The following PRKG1 variants were observed in gnomAD, a reference collection of about 807,000 sequenced individuals.
PRKG1 encodes the protein protein kinase cGMP-dependent 1.
In PRKG1, 35 loss-of-function variants were observed where a neutral mutation model predicts 88.1. The observed-to-expected ratio is 0.40, with a 90% CI of 0.30 to 0.53. PRKG1 has a LOEUF of 0.53. PRKG1 is among the 20% of genes least tolerant of loss of function. The pLI is 0.59. For missense variants in PRKG1, 540 were observed against 839.8 expected (o/e 0.64, Z 4.41); for synonymous variants, 303 against 292.5 (o/e 1.04, Z -0.37).
chr10:51,818,042 A>G (rs1839638128), intron 4 of PRKG1, among the ~76,000 whole-genome samples: 1 of 152,186 alleles, frequency 6.6e-6, no homozygotes, highest in African/African-American at 2.4e-5. Context: ...CTATCTCAAC[A>G]GATGGAAGAC....
intron 2 of PRKG1, among the ~76,000 whole-genome samples, chr10:51,415,628 A>G (rs147456299): frequency 2.8e-4 from 42 of 152,316 alleles, no homozygotes; most frequent in African/African-American, 9.6e-4. Context: ...AATTTATCTA[A>G]TAGCCAGTTC....
intron 3 of PRKG1, among the ~76,000 whole-genome samples, chr10:51,643,353 C>A (rs957965246): frequency 6.6e-6 from 1 of 152,158 alleles, no homozygotes; most frequent in Non-Finnish European, 1.5e-5. Context: ...ACTCAGACAT[C>A]CTAAAACCTG....
Position 52,083,680 on chromosome 10 carries a change from T to A in PRKG1, c.935+21049T>A, listed in dbSNP as rs189794214. Among the ~76,000 whole-genome samples, 523 of 152,176 alleles carry A rather than the reference T, an allele frequency of 3.4e-3. 2 individuals are homozygous for A. Among genetic ancestry groups the A allele is most frequent in the Non-Finnish European group, 5.7e-3 (390 of 67,936 alleles). On this transcript the variant is annotated intron_variant, in intron 7 of 17. Coordinates refer to ENST00000373980, the MANE Select transcript of PRKG1 (RefSeq NM_006258.4). The stretch of plus-strand genomic sequence containing the variant: ...AAGGGAGAGATTTATGAGAGGCAAG[T>A]ATAAAGCAAAATCTATTTTTTCAGT...
chr10:51,901,464 C>G (rs930786766), intron 4 of PRKG1, among the ~76,000 whole-genome samples: 3 of 152,172 alleles, frequency 2.0e-5, no homozygotes, highest in Middle Eastern at 3.2e-3. Flanking sequence ...AGATGCAGTG[C>G]AATAATTTCT....
At chr10:51,296,455 G>A (rs1840722635) in intron 2 of PRKG1, among the ~76,000 whole-genome samples, 4 of 151,970 alleles carry the variant, frequency 2.6e-5, no homozygotes, top group Admixed American at 2.6e-4. Context: ...AGGTTATCCA[G>A]TTTGTCAGCA....
At chr10:51,224,399 A>C (rs776690229) in intron 2 of PRKG1, among the ~76,000 whole-genome samples, 1 of 152,208 alleles carries the variant, frequency 6.6e-6, no homozygotes, top group Admixed American at 6.5e-5. Flanking sequence ...TATTCTCTTT[A>C]ATAAGAAGTT....
At chr10:51,890,223 A>G (rs1485598063) in intron 4 of PRKG1, among the ~76,000 whole-genome samples, 3 of 152,186 alleles carry the variant, frequency 2.0e-5, no homozygotes, top group African/African-American at 7.2e-5. Context: ...TCCATCTTGA[A>G]TTAATTTTTG....
At chr10:51,906,213 C>G (rs892689203) in intron 4 of PRKG1, among the ~76,000 whole-genome samples, 5 of 152,136 alleles carry the variant, frequency 3.3e-5, no homozygotes, top group African/African-American at 1.2e-4. Context: ...TTGAAGGAAC[C>G]TGGTGACAGC....
intron 3 of PRKG1, among the ~76,000 whole-genome samples, chr10:51,609,789 A>G (rs951168231): frequency 6.6e-6 from 1 of 152,182 alleles, no homozygotes; most frequent in Non-Finnish European, 1.5e-5. Flanking sequence ...CCTAACAATG[A>G]GAACACATGG....
chr10:51,374,124 T>A (rs1842767789), intron 2 of PRKG1, among the ~76,000 whole-genome samples: 1 of 116,808 alleles, frequency 8.6e-6, no homozygotes, highest in African/African-American at 2.9e-5. Context: ...GTACTTTAAG[T>A]TCTGGGATAC....
At chr10:52,071,360 A>G (rs369223722) in intron 7 of PRKG1, among the ~76,000 whole-genome samples, 3 of 152,156 alleles carry the variant, frequency 2.0e-5, no homozygotes, top group Admixed American at 1.3e-4. Context: ...CATGAACTCA[A>G]TGTTCAGCTC....
chr10:52,210,366 C>T (rs1839936461), intron 9 of PRKG1, among the ~76,000 whole-genome samples: 1 of 151,746 alleles, frequency 6.6e-6, no homozygotes, highest in South Asian at 2.1e-4. Context: ...CACAGCTGCA[C>T]CCTCCTATTC....
chr10:51,361,427 C>A (rs1842478479), intron 2 of PRKG1, among the ~76,000 whole-genome samples: 3 of 151,904 alleles, frequency 2.0e-5, no homozygotes, highest in Admixed American at 2.0e-4. Context: ...AAAACCCTAT[C>A]CAACTTAAAT....
Position 51,522,944 on chromosome 10 carries a change from T to C in PRKG1, c.592+55108T>C, listed in dbSNP as rs954569280. On this transcript the variant is annotated intron_variant, in intron 3 of 17. Transcript: ENST00000373980. Reference sequence around the variant, plus strand: ...GGGAGACAACAAATTACTTGGGTCCTTACAGTCTTATTTAAGTGATCCTAT... The same window carrying C: ...GGGAGACAACAAATTACTTGGGTCCCTACAGTCTTATTTAAGTGATCCTAT... Among the ~76,000 whole-genome samples, 12 of 152,222 alleles carry C rather than the reference T, an allele frequency of 7.9e-5. No homozygotes were observed. The South Asian group carries it at 2.5e-3, about 32-fold the overall frequency.
At chr10:51,537,584 C>G (rs1842188466) in intron 3 of PRKG1, among the ~76,000 whole-genome samples, 1 of 152,026 alleles carries the variant, frequency 6.6e-6, no homozygotes, top group Non-Finnish European at 1.5e-5. Flanking sequence ...CAAAAATTAG[C>G]TAGGCGTGGT....
At chr10:51,735,609 A>T (rs920991991) in intron 3 of PRKG1, among the ~76,000 whole-genome samples, 11 of 152,180 alleles carry the variant, frequency 7.2e-5, no homozygotes, top group Admixed American at 4.6e-4. Context: ...TACCAAATCC[A>T]CTCAAGTCCC....
At chr10:52,224,596 C>G (rs1386312410) in intron 9 of PRKG1, among the ~76,000 whole-genome samples, 1 of 34,110 alleles carries the variant, frequency 2.9e-5, no homozygotes, top group Non-Finnish European at 7.3e-5. Context: ...CTTCGCCCCA[C>G]CTCCGACTCT....
intron 5 of PRKG1, among the ~76,000 whole-genome samples, chr10:51,966,185 T>C (rs1452869041): frequency 1.3e-5 from 2 of 152,204 alleles, no homozygotes; most frequent in East Asian, 1.9e-4. Flanking sequence ...TCATATTTCA[T>C]AAGCTGATTA....
In PRKG1 at chr10:52,205,676, G is replaced by T. The variant is rs376229031; in HGVS notation, c.1076+43713G>T. 7.2e-5 allele frequency among the ~76,000 whole-genome samples: 11 copies of T among 152,262 alleles called. No homozygotes were observed. The East Asian group carries it at 1.2e-3, about 16-fold the overall frequency. On this transcript the variant is annotated intron_variant, in intron 9 of 17. Transcript: ENST00000373980. ...ATTTCTCCTTCTTTTATGAAGGTTTGTTTGGCTAGATATGAAAAATCTTTG... is the reference window on the plus strand; with the variant it reads ...ATTTCTCCTTCTTTTATGAAGGTTTTTTTGGCTAGATATGAAAAATCTTTG...
Sources: gnomAD v4.1 joint callset for allele counts (sites outside exome capture counted in the v4.1 genomes callset) on GRCh38, gnomAD v4.1.1 for gene constraint, MANE v1.5 for transcripts, NCBI Gene and HGNC (gene_info 2026-07-23, HGNC 2026-07-21) for gene names.